Variants in ERICH6B observed in about 807,000 individuals in gnomAD.
ERICH6B encodes the protein glutamate-rich protein 6B.
A neutral mutation model predicts 80.0 loss-of-function variants in ERICH6B; 69 were observed. The ratio of observed to expected loss-of-function variants is 0.86; its 90% confidence interval spans 0.71 to 1.05. The LOEUF is 1.05. Among genes scored for constraint, ERICH6B ranks in the 50% least tolerant of loss-of-function variants. ERICH6B has a pLI of 0.00. For missense variants in ERICH6B, 754 were observed against 796.1 expected (o/e 0.95, Z 0.64); for synonymous variants, 283 against 291.9 (o/e 0.97, Z 0.31).
chr13:45,551,090 T>A (rs971615073), intron 11 of ERICH6B, among the ~76,000 whole-genome samples: 2 of 152,230 alleles, frequency 1.3e-5, no homozygotes, highest in Admixed American at 1.3e-4. Flanking sequence ...ACATTCAAAT[T>A]TATTGTCATA....
chr13:45,544,659 C>T, intron 14 of ERICH6B, 101 bp downstream of exon 14: 1 of 1,009,216 alleles, frequency 9.9e-7, no homozygotes, highest in South Asian at 1.6e-5. Flanking sequence ...ATATATAGAA[C>T]AAGCCTGGAG....
chr13:45,569,419 C>T (rs916640195), intron 8 of ERICH6B, among the ~76,000 whole-genome samples: 5 of 152,234 alleles, frequency 3.3e-5, no homozygotes, highest in African/African-American at 1.2e-4. Flanking sequence ...TGCCACAGCA[C>T]TCGTCCACAA....
intron 9 of ERICH6B, among the ~76,000 whole-genome samples, chr13:45,565,828 G>T (rs1193322254): frequency 6.6e-6 from 1 of 152,194 alleles, no homozygotes; most frequent in Non-Finnish European, 1.5e-5. Flanking sequence ...GTAGAGTGGG[G>T]TGCTGCTCAA....
intron 6 of ERICH6B, 132 bp downstream of exon 6, chr13:45,580,471 A>T: frequency 1.2e-6 from 1 of 856,958 alleles, no homozygotes; most frequent in Non-Finnish European, 1.8e-6. Context: ...GGCCTCCATT[A>T]AGCCTGCTCT....
intron 8 of ERICH6B, among the ~76,000 whole-genome samples, chr13:45,569,009 G>C (rs1875040695): frequency 6.6e-6 from 1 of 152,174 alleles, no homozygotes; most frequent in Non-Finnish European, 1.5e-5. Context: ...AGCTCCCAAT[G>C]GTGATTTATT....
intron 2 of ERICH6B, among the ~76,000 whole-genome samples, chr13:45,606,692 T>G (rs1490303000): frequency 6.6e-6 from 1 of 150,760 alleles, no homozygotes; most frequent in Admixed American, 6.6e-5. Flanking sequence ...TAGCTGGGAC[T>G]ACAGGTGCCC....
At chr13:45,572,861 G>A (rs1018842109) in intron 8 of ERICH6B, among the ~76,000 whole-genome samples, 2 of 152,034 alleles carry the variant, frequency 1.3e-5, no homozygotes, top group African/African-American at 2.4e-5. Flanking sequence ...GAAAATGCCC[G>A]GCACCTTTCA....
chr13:45,611,111 C>T (rs769217581), intron 1 of ERICH6B, among the ~76,000 whole-genome samples: 24 of 152,118 alleles, frequency 1.6e-4, no homozygotes, highest in Admixed American at 2.6e-4. Flanking sequence ...CCTAACTTTT[C>T]TTTCCTTTTC....
Position 45,564,010 on chromosome 13 carries a change from C to A in ERICH6B, c.1188-222G>T, listed in dbSNP as rs551321555. ...TGCTTCCCTCATATGGTCTGACCCA[C>A]AACCAGGGCATACAGCTGAACCCTA... On this transcript the variant is annotated intron_variant, in intron 9 of 14. Transcript: ENST00000298738. Among the ~76,000 whole-genome samples, 232 of 152,304 alleles carry A rather than the reference C, an allele frequency of 1.5e-3. 2 individuals carry two copies. The highest frequency in any genetic ancestry group is 4.7e-3 in the African/African-American group (196 of 41,566).
intron 11 of ERICH6B, chr13:45,555,460 C>T (rs1874398034): frequency 6.6e-6 from 1 of 152,176 alleles, no homozygotes; most frequent in African/African-American, 2.4e-5. Context: ...TCCTATGCTC[C>T]TTCACTTTTG....
rs199951837 is a variant in ERICH6B at position 45,573,120 on chromosome 13, TGTA to T, written c.1050+1719_1050+1721del. Reference sequence around the variant, plus strand: ...TTCTTTACATACACTTGCATTTGTATGTAATAATAATATATGTACCATTCATTG... The same window carrying T: ...TTCTTTACATACACTTGCATTTGTATATAATAATATATGTACCATTCATTG... On this transcript the variant is annotated intron_variant, in intron 8 of 14. Coordinates refer to ENST00000298738, the MANE Select transcript of ERICH6B (RefSeq NM_182542.3). Among the ~76,000 whole-genome samples the T allele has an allele frequency of 7.4e-3, 1,123 of 152,252 alleles. 13 individuals carry two copies. The highest frequency in any genetic ancestry group is 0.025 in the African/African-American group (1,046 of 41,532).
chr13:45,600,294 T>G (rs193012718), intron 2 of ERICH6B, among the ~76,000 whole-genome samples: 34 of 152,320 alleles, frequency 2.2e-4, no homozygotes, highest in Non-Finnish European at 3.7e-4. Context: ...CAAACTCCAG[T>G]CAGGCTCCTG....
At chr13:45,562,681 C>A (rs955394772) in intron 10 of ERICH6B, among the ~76,000 whole-genome samples, 18 of 152,060 alleles carry the variant, frequency 1.2e-4, no homozygotes, top group African/African-American at 4.4e-4. Context: ...GGAACTTAAC[C>A]GGGCTTTGAA....
chr13:45,565,723 A>G (rs1167966709), intron 9 of ERICH6B, among the ~76,000 whole-genome samples: 1 of 152,198 alleles, frequency 6.6e-6, no homozygotes, highest in Non-Finnish European at 1.5e-5. Context: ...GTGGAACTGT[A>G]AGTCCACTAA....
At chr13:45,582,588 A>T (rs929896632) in intron 5 of ERICH6B, among the ~76,000 whole-genome samples, 6 of 152,176 alleles carry the variant, frequency 3.9e-5, no homozygotes, top group Admixed American at 3.9e-4. Flanking sequence ...AAATATAAAT[A>T]TTCCTTCTAA....
chr13:45,585,934 C>T (rs1467943981), intron 5 of ERICH6B, among the ~76,000 whole-genome samples: 2 of 152,196 alleles, frequency 1.3e-5, no homozygotes, highest in East Asian at 3.8e-4. Context: ...TGTTGCATAC[C>T]CCAGCCTTTT....
chr13:45,580,712 A>C, intron 5 of ERICH6B, 47 bp from the exon 6 acceptor site: 1 of 1,538,084 alleles, frequency 6.5e-7, no homozygotes, highest in Non-Finnish European at 8.8e-7. Context: ...TAAACCTTAC[A>C]TTTTCCAGTG....
At chr13:45,593,331 G>A (rs1265656009) in intron 3 of ERICH6B, among the ~76,000 whole-genome samples, 2 of 152,086 alleles carry the variant, frequency 1.3e-5, no homozygotes, top group Non-Finnish European at 2.9e-5. Flanking sequence ...TTTTGGTTAT[G>A]TCCATTTCAC....
At chr13:45,567,107 G>T (rs1393435171) in intron 9 of ERICH6B, among the ~76,000 whole-genome samples, 2 of 152,198 alleles carry the variant, frequency 1.3e-5, no homozygotes, top group South Asian at 2.1e-4. Context: ...GGGGCCTGTA[G>T]CCCCTTCGTT....
Sources: allele counts gnomAD v4.1 joint callset (sites outside exome capture counted in the v4.1 genomes callset), GRCh38; gene constraint gnomAD v4.1.1; transcripts MANE v1.5; gene names NCBI Gene and HGNC (gene_info 2026-07-23, HGNC 2026-07-21).